Variants in SDK1 observed in about 807,000 individuals in gnomAD.
SDK1 encodes protein sidekick-1.
In SDK1, 157 loss-of-function variants were observed where a neutral mutation model predicts 245.5. That is an observed-to-expected ratio of 0.64 (90% confidence interval 0.56 to 0.73). The LOEUF is 0.73. SDK1 is among the 30% of genes least tolerant of loss of function. The probability of loss-of-function intolerance (pLI) is 0.00; values close to 1 mark genes in which losing one functional copy is unlikely to be tolerated. For missense variants in SDK1, 3,583 were observed against 3,002.3 expected, an observed-to-expected ratio of 1.19 and a Z score of -4.52; for synonymous variants, 1,647 against 1,278.5, an observed-to-expected ratio of 1.29 and a Z score of -6.15.
chr7:3,337,245 G>T (rs939911345), intron 1 of SDK1, among the ~76,000 whole-genome samples: 1 of 152,010 alleles, frequency 6.6e-6, no homozygotes, highest in African/African-American at 2.4e-5. Context: ...AGAAATGATA[G>T]AACTGAAAAA....
chr7:4,137,187 CAG>C (rs1433904671), intron 28 of SDK1, among the ~76,000 whole-genome samples: 1 of 152,214 alleles, frequency 6.6e-6, no homozygotes, highest in African/African-American at 2.4e-5. Flanking sequence ...CCCAGCTACT[CAG>C]GGGGCTGAGG....
rs7798702 is a variant in SDK1, at chr7:3,656,371, T to C, written c.713+14266T>C. ...CTAGCTTTTTTCTGGACTATTAGTG[T>C]CAGTGCTACTCTCCCCAAACACAGG... On this transcript the variant is annotated intron_variant, in intron 4 of 44. Transcript: ENST00000404826. Among the ~76,000 whole-genome samples, 1,097 of 152,286 alleles carry C rather than the reference T, an allele frequency of 7.2e-3. 15 individuals carry two copies. The highest frequency in any genetic ancestry group is 0.025 in the African/African-American group (1,024 of 41,562).
At chr7:3,836,349 C>G (rs539142909) in intron 5 of SDK1, among the ~76,000 whole-genome samples, 3 of 152,322 alleles carry the variant, frequency 2.0e-5, no homozygotes, top group Admixed American at 1.3e-4. Flanking sequence ...ATATACATAA[C>G]TTCAATGTAC....
At position 3,974,396 on chromosome 7, in the gene SDK1, C is replaced by G. The variant is rs1250180392; in HGVS notation, c.1845C>G (p.Ala615=). Residue 615 remains alanine, a synonymous_variant, in exon 13 of 45, where the codon GCC becomes GCG. Coordinates refer to ENST00000404826, the MANE Select transcript of SDK1 (RefSeq NM_152744.4). ...ACGTTTGGAAGAAGGACAACGTGGC[C>G]CTGACTCCATCGAGCACGTCTAGGA... is the stretch of plus-strand genomic sequence containing the variant. ...LRYVWKKDNV[A]LTPSSTSRIV... 1 of 1,613,852 alleles carries G rather than the reference C, an allele frequency of 6.2e-7. No individual in the cohort carries two copies. Among genetic ancestry groups the G allele is most frequent in the Non-Finnish European group, 8.5e-7 (1 of 1,179,864 alleles).
At chr7:3,577,737 TGTTA>T (rs2128631590) in intron 1 of SDK1, among the ~76,000 whole-genome samples, 1 of 152,178 alleles carries the variant, frequency 6.6e-6, no homozygotes, top group East Asian at 1.9e-4. Context: ...GCATTTTCTG[TGTTA>T]GTAACGAGTG....
Position 3,763,936 on chromosome 7 carries a change from C to T in SDK1, c.714-57514C>T, listed in dbSNP as rs76157205. Among the ~76,000 whole-genome samples, 789 of 152,264 alleles carry T rather than the reference C, an allele frequency of 5.2e-3. 4 individuals carry two copies. Among genetic ancestry groups the T allele is most frequent in the Non-Finnish European group, 9.3e-3 (635 of 68,020 alleles). On this transcript the variant is annotated intron_variant, in intron 4 of 44. Transcript: ENST00000404826. ...GTATGAAATATCACTGCCACTGTTA[C>T]CTCAGACAGTTCTCTCATGCCCCTT...
intron 22 of SDK1, among the ~76,000 whole-genome samples, chr7:4,109,438 TAGTG>T (rs1350200487): frequency 6.6e-6 from 1 of 152,190 alleles, no homozygotes; most frequent in Non-Finnish European, 1.5e-5. Context: ...TCTGCACACT[TAGTG>T]AGCACGTTTC....
rs79059102 is a variant in SDK1, at chr7:3,984,072, G to C, written c.1995-3114G>C. On this transcript the variant is annotated intron_variant, in intron 13 of 44. Transcript: ENST00000404826. Reference sequence around the variant, plus strand: ...ACATCCCTCAATCTCAGGCTGTTGCGACCGTTTTTGCTGTTGGGTGTGCCT... The same window carrying C: ...ACATCCCTCAATCTCAGGCTGTTGCCACCGTTTTTGCTGTTGGGTGTGCCT... 3.6e-4 allele frequency among the ~76,000 whole-genome samples: 55 copies of C among 152,192 alleles called. 1 individual carries two copies. The East Asian group carries it at 8.3e-3, about 23-fold the overall frequency.
At chr7:4,049,532 A>G in intron 18 of SDK1, 69 bp downstream of exon 18, 1 of 1,175,780 alleles carries the variant, frequency 8.5e-7, no homozygotes, top group Non-Finnish European at 1.3e-6. Context: ...ACGCAGCTGG[A>G]GGCACCCCCT....
intron 19 of SDK1, among the ~76,000 whole-genome samples, chr7:4,058,136 T>A (rs1277207481): frequency 6.6e-6 from 1 of 151,790 alleles, no homozygotes; most frequent in East Asian, 1.9e-4. Flanking sequence ...GAGACACAGA[T>A]AAATAATACA....
intron 36 of SDK1, among the ~76,000 whole-genome samples, chr7:4,207,519 C>A (rs1215586423): frequency 6.6e-6 from 1 of 152,214 alleles, no homozygotes; most frequent in Non-Finnish European, 1.5e-5. Context: ...CTGAGCCCAA[C>A]ATAGTTCTCC....
chr7:3,746,353 CTG>C (rs1779620993), intron 4 of SDK1, among the ~76,000 whole-genome samples: 2 of 152,158 alleles, frequency 1.3e-5, no homozygotes, highest in Non-Finnish European at 2.9e-5. Flanking sequence ...ACTGATCAGT[CTG>C]ATGGTTGCTG....
At chr7:3,731,156 C>T (rs1431180706) in intron 4 of SDK1, among the ~76,000 whole-genome samples, 2 of 152,176 alleles carry the variant, frequency 1.3e-5, no homozygotes, top group African/African-American at 4.8e-5. Context: ...ACCGCAGTGG[C>T]AGGGTGACGG....
At chr7:3,915,126 AT>A (rs1400229826) in intron 5 of SDK1, among the ~76,000 whole-genome samples, 1 of 152,176 alleles carries the variant, frequency 6.6e-6, no homozygotes, top group Non-Finnish European at 1.5e-5. Context: ...AGTTGAGGGT[AT>A]TTTCCAAATA....
At chr7:4,215,130 G>A (rs1784720115) in intron 38 of SDK1, among the ~76,000 whole-genome samples, 1 of 152,194 alleles carries the variant, frequency 6.6e-6, no homozygotes, top group Non-Finnish European at 1.5e-5. Flanking sequence ...CTAACCCCAG[G>A]CCTGTCCGAC....
At chr7:3,943,691 A>C (rs999957145) in intron 5 of SDK1, among the ~76,000 whole-genome samples, 3 of 151,952 alleles carry the variant, frequency 2.0e-5, no homozygotes, top group African/African-American at 7.2e-5. Context: ...ACAGCTTAGC[A>C]GTTCGGGTTA....
In SDK1 at chr7:3,625,254, A is replaced by T. The variant is rs1363933645; in HGVS notation, c.458+6015A>T. Among the ~76,000 whole-genome samples the T allele has an allele frequency of 2.0e-5, 3 of 152,214 alleles. No individual in the cohort carries two copies. The East Asian group carries it at 5.8e-4, about 29-fold the overall frequency. ...GGAGAAAGTACAAAAGCATTGAGAA[A>T]CTTCATCAGAAACCGATCACAGATA... On this transcript the variant is annotated intron_variant, in intron 2 of 44. Transcript: ENST00000404826.
At chr7:4,096,801 T>C (rs994351712) in intron 22 of SDK1, among the ~76,000 whole-genome samples, 1 of 151,752 alleles carries the variant, frequency 6.6e-6, no homozygotes, top group Non-Finnish European at 1.5e-5. Flanking sequence ...GAGCGCCACA[T>C]AGGAGCTGAG....
intron 17 of SDK1, 71 bp from the exon 18 acceptor site, chr7:4,049,277 C>G (rs932301934): frequency 8.5e-7 from 1 of 1,181,790 alleles, no homozygotes; most frequent in East Asian, 2.4e-5. Flanking sequence ...TAAGGGTTTC[C>G]TTTCTGTCTC....
Sources: gnomAD v4.1 joint callset for allele counts (sites outside exome capture counted in the v4.1 genomes callset) on GRCh38, gnomAD v4.1.1 for gene constraint, MANE v1.5 for transcripts, NCBI Gene and HGNC (gene_info 2026-07-23, HGNC 2026-07-21) for gene names.